BBS9: variants seen among roughly 807,000 people sequenced by gnomAD.
BBS9 encodes the protein Bardet-Biedl syndrome 9, also known as protein PTHB1.
In BBS9, 89 loss-of-function variants were observed where a neutral mutation model predicts 117.7. That is an observed-to-expected ratio of 0.76 (90% CI 0.64 to 0.90). The LOEUF (loss-of-function observed/expected upper bound fraction) is 0.90. Among genes scored for constraint, BBS9 ranks in the 40% least tolerant of loss-of-function variants. The pLI, the probability that BBS9 is intolerant of heterozygous loss-of-function variation, is 0.00. For missense variants in BBS9, 982 were observed against 1,042.2 expected (o/e 0.94, Z 0.80); for synonymous variants, 379 against 370.9 (o/e 1.02, Z -0.25).
intron 5 of BBS9, among the ~76,000 whole-genome samples, chr7:33,184,372 G>A (rs116190253): frequency 0.014 from 2,198 of 152,290 alleles, 57 homozygotes; most frequent in African/African-American, 0.05. Flanking sequence ...ACAGCCATCA[G>A]CAAAGAGCGC....
chr7:33,341,517 A>G (rs1401315634), intron 11 of BBS9, among the ~76,000 whole-genome samples: 2 of 152,050 alleles, frequency 1.3e-5, no homozygotes, highest in African/African-American at 4.8e-5. Flanking sequence ...TAATTTTCTT[A>G]GTCTCAATTT....
At chr7:33,520,739 A>T (rs150995576) in intron 20 of BBS9, among the ~76,000 whole-genome samples, 550 of 152,334 alleles carry the variant, frequency 3.6e-3, no homozygotes, top group African/African-American at 0.012. Flanking sequence ...GTTGCAGGCC[A>T]CATAGCTAAT....
chr7:33,584,456 A>T (rs1585362192), intron 21 of BBS9, among the ~76,000 whole-genome samples: 1 of 152,024 alleles, frequency 6.6e-6, no homozygotes, highest in Non-Finnish European at 1.5e-5. Flanking sequence ...TATGTTGCCT[A>T]TTAGTTTTAG....
intron 9 of BBS9, among the ~76,000 whole-genome samples, chr7:33,314,007 C>T (rs1034212061): frequency 3.3e-5 from 5 of 152,076 alleles, no homozygotes; most frequent in Non-Finnish European, 4.4e-5. Context: ...TGTATTATTA[C>T]GAAGCTTTTC....
At chr7:33,207,931 C>G (rs1179093222) in intron 5 of BBS9, among the ~76,000 whole-genome samples, 2 of 152,072 alleles carry the variant, frequency 1.3e-5, no homozygotes, top group Non-Finnish European at 2.9e-5. Flanking sequence ...CCTCAGCCTC[C>G]TGGGTAGCTG....
At chr7:33,297,696 T>C (rs898965053) in intron 9 of BBS9, among the ~76,000 whole-genome samples, 1 of 152,158 alleles carries the variant, frequency 6.6e-6, no homozygotes, top group Admixed American at 6.5e-5. Flanking sequence ...GTTGATTATA[T>C]TTTATGTAGG....
chr7:33,400,242 A>G (rs1336181000), intron 19 of BBS9, among the ~76,000 whole-genome samples: 1 of 148,768 alleles, frequency 6.7e-6, no homozygotes, highest in Non-Finnish European at 1.5e-5. Context: ...TAAAAAAAAA[A>G]TAGTCCTTTG....
intron 19 of BBS9, among the ~76,000 whole-genome samples, chr7:33,410,505 C>G (rs1830921714): frequency 6.6e-6 from 1 of 152,154 alleles, no homozygotes; most frequent in Admixed American, 6.5e-5. Flanking sequence ...GTCACTCTCC[C>G]AGGAGACAAC....
chr7:33,203,581 C>A (rs1392560294), intron 5 of BBS9, among the ~76,000 whole-genome samples: 1 of 152,044 alleles, frequency 6.6e-6, no homozygotes, highest in Non-Finnish European at 1.5e-5. Context: ...TTTTAATGTA[C>A]CCTAGATAAT....
chr7:33,427,423 A>G (rs1363531013), intron 19 of BBS9, among the ~76,000 whole-genome samples: 3 of 152,164 alleles, frequency 2.0e-5, no homozygotes, highest in African/African-American at 4.8e-5. Context: ...CATCTTCCAA[A>G]CAGTCTGGAC....
chr7:33,297,299 C>T (rs143645860), intron 9 of BBS9, among the ~76,000 whole-genome samples: 1 of 152,208 alleles, frequency 6.6e-6, no homozygotes, highest in East Asian at 1.9e-4. Flanking sequence ...CAATGAATAC[C>T]ACTGTTCTAA....
At chr7:33,484,523 CAACA>C (rs1231209783) in intron 19 of BBS9, among the ~76,000 whole-genome samples, 1 of 151,912 alleles carries the variant, frequency 6.6e-6, no homozygotes, top group Non-Finnish European at 1.5e-5. Context: ...TGACTGCAGC[CAACA>C]AACAGGAAAA....
intron 5 of BBS9, among the ~76,000 whole-genome samples, chr7:33,229,606 A>G (rs1452822006): frequency 1.3e-5 from 2 of 152,166 alleles, no homozygotes; most frequent in African/African-American, 4.8e-5. Context: ...TAGTAATACA[A>G]TAATAATATT....
In BBS9 at chr7:33,405,056, T is replaced by G. The variant is rs188126469; in HGVS notation, c.2115+16912T>G. Among the ~76,000 whole-genome samples, 1,169 of 152,166 alleles carry G rather than the reference T, an allele frequency of 7.7e-3. 10 individuals are homozygous for G. The highest frequency in any genetic ancestry group is 0.013 in the African/African-American group (541 of 41,514). ...CTTATTGAGAGTTTTTAGCATGAAG[T>G]GTTGTTGAATTTTGTCAAAGGCCTT... On this transcript the variant is annotated intron_variant, in intron 19 of 22. Transcript: ENST00000242067.
At chr7:33,431,161 C>T (rs1343928169) in intron 19 of BBS9, among the ~76,000 whole-genome samples, 1 of 149,872 alleles carries the variant, frequency 6.7e-6, no homozygotes. Flanking sequence ...TGCCACTGCA[C>T]ATTCCAACCA....
intron 19 of BBS9, among the ~76,000 whole-genome samples, chr7:33,428,925 A>G (rs894814441): frequency 1.3e-5 from 2 of 152,108 alleles, no homozygotes; most frequent in Non-Finnish European, 2.9e-5. Context: ...GCATTTTTCC[A>G]TATTGAAATA....
chr7:33,184,217 G>A (rs1798492234), intron 5 of BBS9, among the ~76,000 whole-genome samples: 1 of 152,100 alleles, frequency 6.6e-6, no homozygotes, highest in Admixed American at 6.5e-5. Context: ...ACCCACCATT[G>A]CAGTGACACT....
At chr7:33,499,591 G>A (rs1002117031) in intron 19 of BBS9, among the ~76,000 whole-genome samples, 6 of 152,186 alleles carry the variant, frequency 3.9e-5, no homozygotes, top group African/African-American at 1.4e-4. Flanking sequence ...GATAGAATTA[G>A]TTTCACATAT....
At position 33,146,415 on chromosome 7, in the gene BBS9, A is replaced by G. The variant is rs954522565; in HGVS notation, c.112+51A>G. The G allele has an allele frequency of 2.8e-6, 4 of 1,446,534 alleles. No individual in the cohort carries two copies. The South Asian group carries it at 3.4e-5, about 12-fold the overall frequency. The allele number at this position is 1,446,534 out of a possible 1,614,324, so 89.6% of individuals were successfully genotyped here. A position where few individuals can be genotyped will look rare whatever the true frequency, so the allele number is the denominator to read the frequency against. On this transcript the variant is annotated intron_variant, in intron 2 of 22. Coordinates refer to ENST00000242067, the MANE Select transcript of BBS9 (RefSeq NM_198428.3). Reference sequence around the variant, plus strand: ...TGGATGAAAGTTTTAAAGAGATCAAATAAGACTGGGCACGGTGGCCGACTG... The same window carrying G: ...TGGATGAAAGTTTTAAAGAGATCAAGTAAGACTGGGCACGGTGGCCGACTG...
Sources: allele counts gnomAD v4.1 joint callset (sites outside exome capture counted in the v4.1 genomes callset), GRCh38; gene constraint gnomAD v4.1.1; transcripts MANE v1.5; gene names NCBI Gene and HGNC (gene_info 2026-07-23, HGNC 2026-07-21).